The following NTPCR variants were observed in gnomAD, a reference collection of about 807,000 sequenced individuals.
The protein encoded by NTPCR is nucleoside-triphosphatase, cancer-related, also known as cancer-related nucleoside-triphosphatase.
Under a neutral mutation model 19.5 loss-of-function variants are expected in NTPCR, and 15 were observed. The observed-to-expected ratio is 0.77, with a 90% confidence interval of 0.51 to 1.18. The LOEUF (loss-of-function observed/expected upper bound fraction) is 1.18. Among genes scored for constraint, NTPCR ranks in the 50% most tolerant of loss-of-function variants. The pLI, the probability that NTPCR is intolerant of heterozygous loss-of-function variation, is 0.00. For missense variants in NTPCR, 206 were observed against 240.4 expected (o/e 0.86, Z 0.95); for synonymous variants, 90 against 95.8 (o/e 0.94, Z 0.36).
chr1:232,963,266 T>C (rs1046049025), intron 3 of NTPCR: 1 of 152,236 alleles, frequency 6.6e-6, no homozygotes, highest in African/African-American at 2.4e-5. Flanking sequence ...AGGTTGACTC[T>C]GCAGTTCATT....
intron 4 of NTPCR, among the ~76,000 whole-genome samples, chr1:232,972,862 C>T (rs886684628): frequency 3.9e-5 from 6 of 152,144 alleles, no homozygotes; most frequent in East Asian, 1.9e-4. Context: ...CTTAGTCCAT[C>T]GTTTAGGCAC....
chr1:232,957,968 G>GGTCT (rs1339764751), intron 3 of NTPCR, among the ~76,000 whole-genome samples: 1 of 152,122 alleles, frequency 6.6e-6, no homozygotes, highest in Non-Finnish European at 1.5e-5. Context: ...AGGGTGGGGA[G>GGTCT]GTCTGGGGAG....
chr1:232,977,952 T>C (rs1365353104), intron 4 of NTPCR, among the ~76,000 whole-genome samples: 1 of 152,200 alleles, frequency 6.6e-6, no homozygotes, highest in Non-Finnish European at 1.5e-5. Context: ...TTTGACTTTT[T>C]GAGCTGTCAC....
intron 3 of NTPCR, chr1:232,964,847 A>G (rs1362999046): frequency 6.6e-6 from 1 of 152,222 alleles, no homozygotes; most frequent in East Asian, 1.9e-4. Flanking sequence ...AACATTTACC[A>G]AAAGCTTAAA....
intron 3 of NTPCR, chr1:232,969,452 A>G (rs1161549937): frequency 1.9e-5 from 3 of 157,570 alleles, no homozygotes; most frequent in Non-Finnish European, 4.2e-5. Flanking sequence ...GAGATTCCCT[A>G]CGTGCTGGGG....
chr1:232,951,011 C>T, intron 1 of NTPCR: 1 of 447,358 alleles, frequency 2.2e-6, no homozygotes, highest in Non-Finnish European at 4.0e-6. Flanking sequence ...ACCGCAGGGG[C>T]CAGCGGCAGC....
chr1:232,967,708 A>G (rs1032941864), intron 3 of NTPCR: 2 of 152,170 alleles, frequency 1.3e-5, no homozygotes, highest in African/African-American at 4.8e-5. Context: ...ACATTCTTTC[A>G]TATCACTTCT....
chr1:232,955,013 A>G (rs1668473630), intron 1 of NTPCR, among the ~76,000 whole-genome samples: 1 of 152,228 alleles, frequency 6.6e-6, no homozygotes, highest in African/African-American at 2.4e-5. Flanking sequence ...GAAAGTGACC[A>G]TTAACAGGGA....
chr1:232,956,348 T>C lies in NTPCR; in HGVS notation c.199T>C (p.Leu67=). The change falls in exon 3 of 5, where the codon TTA becomes CTA. Residue 67 remains leucine, a splice_region_variant and synonymous_variant. Coordinates refer to ENST00000366628, the MANE Select transcript of NTPCR (RefSeq NM_032324.3). The part of the protein sequence containing the change: ...GTRGPLSRVG[L]EPPPGKRECR... ...AGAACATAATGTCTTTTCCTTCAGG[T>C]TAGAGCCTCCACCTGGAAAACGTGA... 1 of 1,612,460 alleles carries C rather than the reference T, an allele frequency of 6.2e-7. No individual in the cohort carries two copies. The highest frequency in any genetic ancestry group is 8.5e-7 in the Non-Finnish European group (1 of 1,178,530).
rs374546255 is a variant in NTPCR, at chr1:232,970,314, G to C, written c.504+196G>C. On this transcript the variant is annotated intron_variant, in intron 4 of 4. Coordinates refer to ENST00000366628, the MANE Select transcript of NTPCR (RefSeq NM_032324.3). The stretch of plus-strand genomic sequence containing the variant: ...TTGATGAAAAAACAAACTCGCTTAT[G>C]GGGGGGCCTCCTGACGGTCCCAGTT... Among the ~76,000 whole-genome samples the C allele has an allele frequency of 2.8e-3, 419 of 152,166 alleles. 3 individuals carry two copies. Among genetic ancestry groups the C allele is most frequent in the African/African-American group, 9.7e-3 (403 of 41,508 alleles).
chr1:232,950,942 A>G (rs1668348309), intron 1 of NTPCR, 198 bp downstream of exon 1: 1 of 565,146 alleles, frequency 1.8e-6, no homozygotes, highest in Non-Finnish European at 3.1e-6. Context: ...CACAGGGCCT[A>G]AAGGATTAGA....
chr1:232,965,433 G>A, intron 3 of NTPCR: 1 of 152,254 alleles, frequency 6.6e-6, no homozygotes, highest in East Asian at 1.9e-4. Context: ...GCTGTTACCT[G>A]CTATGTGAAG....
chr1:232,953,807 T>C (rs764670579), intron 1 of NTPCR, among the ~76,000 whole-genome samples: 1 of 152,196 alleles, frequency 6.6e-6, no homozygotes, highest in African/African-American at 2.4e-5. Context: ...ATTATTTTCA[T>C]ACATTGTGGT....
intron 3 of NTPCR, chr1:232,969,650 C>G (rs12731425): frequency 2.6e-6 from 1 of 383,276 alleles, no homozygotes; most frequent in African/African-American, 2.0e-5. Context: ...TCCGTTACTT[C>G]CTTGAACATC....
intron 3 of NTPCR, chr1:232,967,541 G>A (rs1007079688): frequency 1.3e-5 from 2 of 152,166 alleles, no homozygotes; most frequent in Non-Finnish European, 2.9e-5. Context: ...AATAAATGTT[G>A]ATGAGCTTTC....
chr1:232,959,353 C>G (rs1395682537), intron 3 of NTPCR, among the ~76,000 whole-genome samples: 1 of 152,098 alleles, frequency 6.6e-6, no homozygotes, highest in Admixed American at 6.6e-5. Context: ...TGAGGCCTCC[C>G]CAACAATGCG....
intron 4 of NTPCR, among the ~76,000 whole-genome samples, chr1:232,976,091 A>G (rs1669114383): frequency 6.6e-6 from 1 of 152,360 alleles, no homozygotes; most frequent in East Asian, 1.9e-4. Context: ...CAAAGGGAGT[A>G]TCAAAATATT....
At chr1:232,954,303 G>A (rs1481048391) in intron 1 of NTPCR, among the ~76,000 whole-genome samples, 2 of 152,174 alleles carry the variant, frequency 1.3e-5, no homozygotes, top group Non-Finnish European at 2.9e-5. Context: ...AAAGCCAGGT[G>A]CCATTATTTT....
Position 232,956,418 on chromosome 1 carries a change from A to C in NTPCR, c.269A>C (p.Gln90Pro). ...QYVVDLTSFEQLALPVLRNAD... is the reference protein window; with the variant it reads ...QYVVDLTSFEPLALPVLRNAD... The stretch of plus-strand genomic sequence containing the variant: ...GTGGTCGACCTGACTTCTTTTGAGC[A>C]GTTGGCACTACCCGTCTTGAGGAAT... The change falls in exon 3 of 5, where the codon CAG becomes CCG. Residue 90 changes from glutamine (Q) to proline (P), a missense_variant. Coordinates refer to ENST00000366628, the MANE Select transcript of NTPCR (RefSeq NM_032324.3). The C allele has an allele frequency of 6.2e-7, 1 of 1,613,320 alleles. No individual in the cohort carries two copies.
Sources: gnomAD v4.1 joint callset for allele counts (sites outside exome capture counted in the v4.1 genomes callset) on GRCh38, gnomAD v4.1.1 for gene constraint, MANE v1.5 for transcripts, NCBI Gene and HGNC (gene_info 2026-07-23, HGNC 2026-07-21) for gene names.